The following VLDLR variants were observed in gnomAD, a reference collection of about 807,000 sequenced individuals.
VLDLR encodes very low density lipoprotein receptor, also known as very low-density lipoprotein receptor.
A neutral mutation model predicts 112.7 loss-of-function variants in VLDLR; 81 were observed. The ratio of observed to expected loss-of-function variants is 0.72; its 90% confidence interval spans 0.60 to 0.86. The LOEUF (loss-of-function observed/expected upper bound fraction) is 0.86, where lower values mean the gene tolerates loss of function less well. Among genes scored for constraint, VLDLR ranks in the 40% least tolerant of loss-of-function variants. VLDLR has a pLI of 0.00. For missense variants in VLDLR, 1,237 were observed against 1,099.4 expected (o/e 1.13, Z -1.77); for synonymous variants, 436 against 384.8 (o/e 1.13, Z -1.56).
chr9:2,638,820 C>A (rs1032875481), intron 2 of VLDLR, among the ~76,000 whole-genome samples: 3 of 152,232 alleles, frequency 2.0e-5, no homozygotes, highest in Non-Finnish European at 2.9e-5. Flanking sequence ...TTAACATTAG[C>A]AGGCAGTTAT....
chr9:2,635,724 T>G, intron 2 of VLDLR, 152 bp downstream of exon 2: 3 of 1,216,566 alleles, frequency 2.5e-6, no homozygotes, highest in Non-Finnish European at 3.5e-6. Flanking sequence ...AAATTGAATG[T>G]TTGACGTGGG....
rs1165871560 is a variant in VLDLR at position 2,659,502 on chromosome 9, G to A, written c.*5634G>A. 6.6e-6 allele frequency: 1 copy of A among 152,232 alleles called. No individual in the cohort carries two copies. The highest frequency in any genetic ancestry group is 1.5e-5 in the Non-Finnish European group (1 of 68,034). 9.4% of individuals were successfully genotyped at this position (152,232 alleles called of 1,614,324 possible). A position where few individuals can be genotyped will look rare whatever the true frequency, so the allele number is the denominator to read the frequency against. Reference sequence around the variant, plus strand: ...AGAATTATTTTCCTTGGCCATCCAAGTGAAGTAGAAGTAGATTGTTGGATT... The same window carrying A: ...AGAATTATTTTCCTTGGCCATCCAAATGAAGTAGAAGTAGATTGTTGGATT... On this transcript the variant is annotated 3_prime_UTR_variant, in exon 19 of 19. Transcript: ENST00000382100.
At chr9:2,623,478 G>A (rs1225641567) in intron 1 of VLDLR, among the ~76,000 whole-genome samples, 1 of 152,232 alleles carries the variant, frequency 6.6e-6, no homozygotes, top group African/African-American at 2.4e-5. Context: ...GGCCCTGCCG[G>A]CCTGCAGTCA....
In VLDLR at chr9:2,647,568, C is replaced by T; in HGVS notation, c.1798C>T (p.Gln600Ter). 6.2e-7 allele frequency: 1 copy of T among 1,614,120 alleles called. No homozygotes were observed. Among genetic ancestry groups the T allele is most frequent in the Non-Finnish European group, 8.5e-7 (1 of 1,179,978 alleles). Residue 600 changes from glutamine (Q) to a stop codon, truncating the protein, a stop_gained, in exon 12 of 19, where the codon CAG becomes TAG. Coordinates refer to ENST00000382100, the MANE Select transcript of VLDLR (RefSeq NM_003383.5). LOFTEE classifies it high-confidence loss of function. ...ACGTCCACTGGTGACAGCGGATATC[C>T]AGTGGCCTAACGGAATTACACTTGG... The part of the protein sequence containing the change: ...DRRPLVTADI[Q>*]WPNGITLDLI...
intron 17 of VLDLR, among the ~76,000 whole-genome samples, 198 bp downstream of exon 17, chr9:2,652,152 A>T (rs1300871845): frequency 6.6e-6 from 1 of 152,242 alleles, no homozygotes; most frequent in Non-Finnish European, 1.5e-5. Context: ...CCTTTGGCAC[A>T]GTAACTGGCA....
intron 1 of VLDLR, among the ~76,000 whole-genome samples, chr9:2,633,047 AGAGAGT>A (rs1290997573): frequency 0.016 from 1,547 of 95,404 alleles, 16 homozygotes; most frequent in African/African-American, 0.051. Flanking sequence ...AGAGAGAGAG[AGAGAGT>A]GTGTGTGTGT....
intron 2 of VLDLR, among the ~76,000 whole-genome samples, chr9:2,639,015 A>G (rs763206033): frequency 6.6e-6 from 1 of 152,212 alleles, no homozygotes; most frequent in Non-Finnish European, 1.5e-5. Context: ...ATGGGTGACA[A>G]TATTCAGTAC....
At chr9:2,626,786 T>TA in intron 1 of VLDLR, among the ~76,000 whole-genome samples, 2 of 141,186 alleles carry the variant, frequency 1.4e-5, no homozygotes, top group Non-Finnish European at 3.1e-5. Context: ...GCCTCGGCGA[T>TA]AGACAGCATT....
Position 2,648,711 on chromosome 9 carries a change from G to C in VLDLR, c.2005G>C (p.Gly669Arg). 6.2e-7 allele frequency: 1 copy of C among 1,614,182 alleles called. No individual in the cohort carries two copies. Among genetic ancestry groups the C allele is most frequent in the East Asian group, 2.2e-5 (1 of 44,880 alleles). ...WIDGENEAVY[G>R]ANKFTGSELA... Reference sequence around the variant, plus strand: ...AGATGGGGAAAATGAAGCAGTCTATGGTGCCAATAAATTCACTGGATCAGA... The same window carrying C: ...AGATGGGGAAAATGAAGCAGTCTATCGTGCCAATAAATTCACTGGATCAGA... Residue 669 changes from glycine (G) to arginine (R), a missense_variant, in exon 14 of 19, where the codon GGT becomes CGT. Coordinates refer to ENST00000382100, the MANE Select transcript of VLDLR (RefSeq NM_003383.5).
intron 2 of VLDLR, among the ~76,000 whole-genome samples, chr9:2,637,894 G>C (rs941460960): frequency 1.3e-5 from 2 of 152,140 alleles, no homozygotes; most frequent in African/African-American, 4.8e-5. Flanking sequence ...AGTGAGCCAA[G>C]ACCACGCCAC....
At chr9:2,630,161 C>A (rs1430972604) in intron 1 of VLDLR, among the ~76,000 whole-genome samples, 1 of 152,168 alleles carries the variant, frequency 6.6e-6, no homozygotes, top group East Asian at 1.9e-4. Context: ...TGCTTGACAG[C>A]TCAGAACATT....
At chr9:2,631,822 T>C (rs917760581) in intron 1 of VLDLR, among the ~76,000 whole-genome samples, 2 of 152,158 alleles carry the variant, frequency 1.3e-5, no homozygotes, top group African/African-American at 4.8e-5. Context: ...TACATACATG[T>C]AACAAAATTT....
chr9:2,651,514 C>T lies in VLDLR; in HGVS notation c.2335+16C>T. 1 of 1,602,596 alleles carries T rather than the reference C, an allele frequency of 6.2e-7. No homozygotes were observed. Among genetic ancestry groups the T allele is most frequent in the Admixed American group, 1.7e-5 (1 of 59,990 alleles). On this transcript the variant is annotated intron_variant, in intron 16 of 18. Coordinates refer to ENST00000382100, the MANE Select transcript of VLDLR (RefSeq NM_003383.5). ...GTTCCTGGAGGTATTGAGTTCAGTA[C>T]TGCAAACTGTTAATCTCAACTAACA...
rs1818736442 is a variant in VLDLR at position 2,659,808 on chromosome 9, G to C, written c.*5940G>C. ...GTTAACACACATGCAAGGAGGAAGA[G>C]AGTTTTTTTGAACAAAATGACTGGC... On this transcript the variant is annotated 3_prime_UTR_variant, in exon 19 of 19. Coordinates refer to ENST00000382100, the MANE Select transcript of VLDLR (RefSeq NM_003383.5). 1 of 152,220 alleles carries C rather than the reference G, an allele frequency of 6.6e-6. No individual in the cohort carries two copies. The highest frequency in any genetic ancestry group is 6.5e-5 in the Admixed American group (1 of 15,280). 9.4% of individuals were successfully genotyped at this position (152,220 alleles called of 1,614,324 possible). A position where few individuals can be genotyped will look rare whatever the true frequency, so the allele number is the denominator to read the frequency against.
intron 11 of VLDLR, 80 bp from the exon 12 acceptor site, chr9:2,647,394 T>C: frequency 3.2e-6 from 4 of 1,238,728 alleles, no homozygotes; most frequent in Non-Finnish European, 4.8e-6. Flanking sequence ...TCTGCTCAAA[T>C]TTTAAATTTT....
intron 2 of VLDLR, 31 bp downstream of exon 2, chr9:2,635,603 T>G (rs1291694137): frequency 1.4e-5 from 22 of 1,613,700 alleles, no homozygotes; most frequent in Non-Finnish European, 1.7e-5. Flanking sequence ...CTTATGCATT[T>G]TGTTAAAATA....
intron 3 of VLDLR, 151 bp downstream of exon 3, chr9:2,640,132 C>A (rs1817764021): frequency 3.2e-6 from 4 of 1,232,172 alleles, no homozygotes; most frequent in Non-Finnish European, 4.7e-6. Context: ...AAATCATTAC[C>A]AGTTTATCAG....
chr9:2,646,272 T>C (rs1818064331), intron 10 of VLDLR, 62 bp from the exon 11 acceptor site: 1 of 1,547,508 alleles, frequency 6.5e-7, no homozygotes, highest in African/African-American at 1.4e-5. Context: ...AAGCAAAAAG[T>C]CCATTCTCCA....
In VLDLR at chr9:2,656,694, T is replaced by G. The variant is rs1318107114; in HGVS notation, c.*2826T>G. Reference sequence around the variant, plus strand: ...AGTTAGATGAGCCTGTCACACAAAGTGAAAGTGGACCCTCCAGAAATTTTA... The same window carrying G: ...AGTTAGATGAGCCTGTCACACAAAGGGAAAGTGGACCCTCCAGAAATTTTA... On this transcript the variant is annotated 3_prime_UTR_variant, in exon 19 of 19. Transcript: ENST00000382100. 1 of 152,028 alleles carries G rather than the reference T, an allele frequency of 6.6e-6. No individual in the cohort carries two copies. Among genetic ancestry groups the G allele is most frequent in the African/African-American group, 2.4e-5 (1 of 41,400 alleles). 9.4% of individuals were successfully genotyped at this position (152,028 alleles called of 1,614,324 possible). A position where few individuals can be genotyped will look rare whatever the true frequency, so the allele number is the denominator to read the frequency against.
Sources: allele counts gnomAD v4.1 joint callset (sites outside exome capture counted in the v4.1 genomes callset), GRCh38; gene constraint gnomAD v4.1.1; transcripts MANE v1.5; gene names NCBI Gene and HGNC (gene_info 2026-07-23, HGNC 2026-07-21).